TMEM120B: variants seen among roughly 807,000 people sequenced by gnomAD.
TMEM120B encodes the protein transmembrane protein 120B.
In TMEM120B, 31 loss-of-function variants were observed where a neutral mutation model predicts 55.5. The observed-to-expected ratio is 0.56, with a 90% CI of 0.42 to 0.75. TMEM120B has a LOEUF of 0.75. Ranked by LOEUF, TMEM120B falls within the 30% of genes least tolerant of loss-of-function variation. TMEM120B has a pLI of 0.00. For missense variants in TMEM120B, 399 were observed against 425.5 expected, an observed-to-expected ratio of 0.94 and a Z score of 0.55; for synonymous variants, 203 against 176.3, an observed-to-expected ratio of 1.15 and a Z score of -1.20.
At chr12:121,757,182 G>C (rs1402640182) in intron 5 of TMEM120B, among the ~76,000 whole-genome samples, 2 of 151,136 alleles carry the variant, frequency 1.3e-5, no homozygotes, top group Non-Finnish European at 2.9e-5. Flanking sequence ...ATATTTTTGA[G>C]ACAGAGTCTC....
At chr12:121,738,589 G>C (rs1872823062) in intron 1 of TMEM120B, among the ~76,000 whole-genome samples, 1 of 152,158 alleles carries the variant, frequency 6.6e-6, no homozygotes, top group African/African-American at 2.4e-5. Context: ...GACATACAGG[G>C]CTGTTTAGCA....
chr12:121,736,409 C>A (rs1895116279), intron 1 of TMEM120B, among the ~76,000 whole-genome samples: 1 of 150,918 alleles, frequency 6.6e-6, no homozygotes, highest in African/African-American at 2.4e-5. Context: ...ACCTTGTGAT[C>A]CGCCCGCCTT....
intron 1 of TMEM120B, 46 bp downstream of exon 1, chr12:121,713,010 A>T (rs771250532): frequency 2.0e-6 from 3 of 1,470,640 alleles, no homozygotes; most frequent in Non-Finnish European, 2.7e-6. Flanking sequence ...CCCGCGGTGC[A>T]GCGCCTTGCC....
At chr12:121,740,070 C>T (rs1315331853) in intron 1 of TMEM120B, among the ~76,000 whole-genome samples, 7 of 152,108 alleles carry the variant, frequency 4.6e-5, no homozygotes, top group South Asian at 2.1e-4. Flanking sequence ...TGAGCCAACG[C>T]GCCCGGCGAC....
Position 121,774,973 on chromosome 12 carries a change from T to C in TMEM120B, c.838-89T>C, listed in dbSNP as rs1318505439. The stretch of plus-strand genomic sequence containing the variant: ...TGTTGTGGGTAGTTGATACCCAAAG[T>C]TGGGTGAGGGGCCTGGCCATCACCC... On this transcript the variant is annotated intron_variant, in intron 10 of 11. Transcript: ENST00000449592. 6 of 1,426,614 alleles carry C rather than the reference T, an allele frequency of 4.2e-6. No homozygotes were observed. In the East Asian group the frequency reaches 1.4e-4, roughly 33 times the overall value. The allele number at this position is 1,426,614 out of a possible 1,614,324, so 88.4% of individuals were successfully genotyped here. A position where few individuals can be genotyped will look rare whatever the true frequency, so the allele number is the denominator to read the frequency against.
chr12:121,745,074 C>T (rs1873042074), intron 2 of TMEM120B, among the ~76,000 whole-genome samples: 1 of 152,182 alleles, frequency 6.6e-6, no homozygotes, highest in Non-Finnish European at 1.5e-5. Flanking sequence ...AGTAGCATCC[C>T]TGGCCTCTGC....
At chr12:121,725,239 G>C (rs2137008060) in intron 1 of TMEM120B, among the ~76,000 whole-genome samples, 1 of 152,228 alleles carries the variant, frequency 6.6e-6, no homozygotes, top group Admixed American at 6.6e-5. Context: ...CTGTCTATCA[G>C]TGCCCCCAGC....
At chr12:121,716,565 C>CTTTTTTT (rs56037685) in intron 1 of TMEM120B, among the ~76,000 whole-genome samples, 1 of 124,806 alleles carries the variant, frequency 8.0e-6, no homozygotes, top group Non-Finnish European at 1.6e-5. Flanking sequence ...TTTTTTCTTT[C>CTTTTTTT]TTTTTTTTTT....
intron 6 of TMEM120B, among the ~76,000 whole-genome samples, chr12:121,764,446 G>A (rs1248267974): frequency 6.6e-6 from 1 of 152,058 alleles, no homozygotes; most frequent in Non-Finnish European, 1.5e-5. Context: ...GCTTGAACCC[G>A]GGAGGCTGAG....
intron 1 of TMEM120B, among the ~76,000 whole-genome samples, chr12:121,720,735 C>G (rs1340284979): frequency 1.3e-5 from 2 of 151,962 alleles, no homozygotes; most frequent in African/African-American, 2.4e-5. Flanking sequence ...AAAAAGGAAT[C>G]TCTTGAAAGT....
chr12:121,752,659 A>C (rs1016995207), intron 5 of TMEM120B, among the ~76,000 whole-genome samples: 2 of 152,098 alleles, frequency 1.3e-5, no homozygotes, highest in Non-Finnish European at 2.9e-5. Flanking sequence ...AGGGTGAGAC[A>C]GGAGAATCGC....
At chr12:121,724,964 T>G (rs751187821) in intron 1 of TMEM120B, among the ~76,000 whole-genome samples, 1 of 152,192 alleles carries the variant, frequency 6.6e-6, no homozygotes, top group African/African-American at 2.4e-5. Flanking sequence ...ATGTCAGTCA[T>G]TTACGTGGTT....
chr12:121,766,072 G>A (rs1440555890), intron 6 of TMEM120B, among the ~76,000 whole-genome samples: 1 of 152,148 alleles, frequency 6.6e-6, no homozygotes, highest in African/African-American at 2.4e-5. Flanking sequence ...GCATTCTAGA[G>A]ACGGCGTCGC....
At chr12:121,739,507 CTG>C (rs1872857875) in intron 1 of TMEM120B, among the ~76,000 whole-genome samples, 1 of 151,992 alleles carries the variant, frequency 6.6e-6, no homozygotes, top group African/African-American at 2.4e-5. Flanking sequence ...GAGTCTCCCT[CTG>C]TTACTGAGGC....
chr12:121,743,771 G>C (rs777379233), intron 2 of TMEM120B, 24 bp downstream of exon 2: 3 of 1,564,308 alleles, frequency 1.9e-6, no homozygotes, highest in Non-Finnish European at 2.6e-6. Context: ...TAGCCCGGGG[G>C]CTGCCCTGGT....
intron 5 of TMEM120B, among the ~76,000 whole-genome samples, chr12:121,753,766 T>G (rs894981300): frequency 1.3e-5 from 2 of 151,928 alleles, no homozygotes; most frequent in Non-Finnish European, 2.9e-5. Flanking sequence ...GCTGTTACTA[T>G]GGGCAGGTTC....
chr12:121,746,449 C>T (rs1008794351), intron 2 of TMEM120B, among the ~76,000 whole-genome samples: 11 of 151,994 alleles, frequency 7.2e-5, no homozygotes, highest in African/African-American at 2.7e-4. Context: ...AGCCTCCCAA[C>T]GTATTGGGAT....
At chr12:121,758,126 AG>A (rs1384873299) in intron 5 of TMEM120B, 1 of 982,548 alleles carries the variant, frequency 1.0e-6, no homozygotes, top group Non-Finnish European at 1.2e-6. Flanking sequence ...TGCCAAAGAC[AG>A]AGCCTTTGTC....
In TMEM120B at chr12:121,780,700, G is replaced by T; in HGVS notation, c.*4978G>T. ...CGAGTCCTAAGGATTGGGAGTAGTC[G>T]TGTAAAGTGCTCAGGTCCACAGGCC... is the stretch of plus-strand genomic sequence containing the variant. On this transcript the variant is annotated 3_prime_UTR_variant, in exon 12 of 12. Transcript: ENST00000449592. 1 of 718,584 alleles carries T rather than the reference G, an allele frequency of 1.4e-6. No individual in the cohort carries two copies. Among genetic ancestry groups the T allele is most frequent in the Non-Finnish European group, 2.2e-6 (1 of 445,078 alleles). The allele number at this position is 718,584 out of a possible 1,614,324, so 44.5% of individuals were successfully genotyped here.
Sources: allele counts gnomAD v4.1 joint callset (sites outside exome capture counted in the v4.1 genomes callset), GRCh38; gene constraint gnomAD v4.1.1; transcripts MANE v1.5; gene names NCBI Gene and HGNC (gene_info 2026-07-23, HGNC 2026-07-21).